PECAM1: variants seen among roughly 807,000 people sequenced by gnomAD.
The protein encoded by PECAM1 is platelet and endothelial cell adhesion molecule 1, also known as platelet endothelial cell adhesion molecule.
Under a neutral mutation model 13.8 loss-of-function variants are expected in PECAM1, and 8 were observed. That is an observed-to-expected ratio of 0.58 (90% CI 0.34 to 1.05). The LOEUF (loss-of-function observed/expected upper bound fraction) is 1.05, where lower values mean the gene tolerates loss of function less well. PECAM1 is among the 50% of genes least tolerant of loss of function. The probability of loss-of-function intolerance (pLI) is 0.03; values close to 1 mark genes in which losing one functional copy is unlikely to be tolerated. For missense variants in PECAM1, 304 were observed against 141.2 expected, an observed-to-expected ratio of 2.15 and a Z score of -5.84; for synonymous variants, 136 against 52.6, an observed-to-expected ratio of 2.58 and a Z score of -6.86.
At chr17:64,323,953 G>C (rs782066321) in intron 15 of PECAM1, 108 bp from the exon 16 acceptor site, 10 of 789,760 alleles carry the variant, frequency 1.3e-5, no homozygotes, top group Non-Finnish European at 2.1e-5. Context: ...AAAATGCAAA[G>C]CAGGGCTGTC....
At chr17:64,380,462 C>T (rs2036458670) in intron 2 of PECAM1, among the ~76,000 whole-genome samples, 1 of 152,188 alleles carries the variant, frequency 6.6e-6, no homozygotes, top group Non-Finnish European at 1.5e-5. Context: ...CCAGAAATTT[C>T]TACCATGCCC....
rs936209024 is a variant in PECAM1 at position 64,334,758 on chromosome 17, T to C, written c.2165-5036A>G. On this transcript the variant is annotated intron_variant, in intron 14 of 15. Coordinates refer to ENST00000563924, the MANE Select transcript of PECAM1 (RefSeq NM_000442.5). ...TCCTGACCTCATGATCCGCCCGCCT[T>C]AGCCTCCCAAATTGCTGGGATTACA... Among the ~76,000 whole-genome samples, 636 of 152,064 alleles carry C rather than the reference T, an allele frequency of 4.2e-3. 6 individuals are homozygous for C. Among genetic ancestry groups the C allele is most frequent in the African/African-American group, 0.013 (534 of 41,506 alleles).
intron 14 of PECAM1, among the ~76,000 whole-genome samples, chr17:64,333,085 GA>G (rs782555642): frequency 6.6e-6 from 1 of 152,188 alleles, no homozygotes; most frequent in Non-Finnish European, 1.5e-5. Context: ...CCCAGGAGGC[GA>G]TTGTTGCAGT....
chr17:64,384,434 G>A (rs1486331972), intron 2 of PECAM1, among the ~76,000 whole-genome samples: 2 of 152,034 alleles, frequency 1.3e-5, no homozygotes, highest in African/African-American at 2.4e-5. Context: ...ACACTTACAC[G>A]TGGTCACCTC....
chr17:64,348,669 C>T (rs1377285360), intron 12 of PECAM1, among the ~76,000 whole-genome samples: 4 of 152,082 alleles, frequency 2.6e-5, no homozygotes. Flanking sequence ...AACTCCTGAC[C>T]TCAAGCGATC....
chr17:64,386,287 T>C (rs2036591580), intron 2 of PECAM1, among the ~76,000 whole-genome samples: 1 of 151,586 alleles, frequency 6.6e-6, no homozygotes, highest in Non-Finnish European at 1.5e-5. Flanking sequence ...TGCCTGTAAT[T>C]GCAGCTACTC....
chr17:64,355,130 C>A, intron 8 of PECAM1, 90 bp from the exon 9 acceptor site: 1 of 417,280 alleles, frequency 2.4e-6, no homozygotes, highest in South Asian at 1.2e-4. Context: ...CAACAAAAGT[C>A]AGTCTGATTC....
chr17:64,365,353 G>A (rs1168580576), intron 5 of PECAM1, among the ~76,000 whole-genome samples: 1 of 151,748 alleles, frequency 6.6e-6, no homozygotes, highest in Non-Finnish European at 1.5e-5. Context: ...ACATTCCATG[G>A]TCATGGGTAG....
intron 14 of PECAM1, among the ~76,000 whole-genome samples, chr17:64,335,986 G>A (rs923954809): frequency 1.5e-3 from 225 of 152,230 alleles, no homozygotes; most frequent in South Asian, 4.4e-3. Flanking sequence ...TGATCTGGCC[G>A]GGCGTGGTGT....
chr17:64,366,830 G>C lies in PECAM1; in HGVS notation c.967+2920C>G, dbSNP rs1309912012. Among the ~76,000 whole-genome samples, 7 of 113,044 alleles carry C rather than the reference G, an allele frequency of 6.2e-5. No individual in the cohort carries two copies. In the Admixed American group the frequency reaches 7.0e-4, roughly 11 times the overall value. The allele number at this position is 113,044 out of a possible 152,430, so 74.2% of individuals were successfully genotyped here. ...CACACTCTGGGGACTGTAGTGGGGT[G>C]GGGGGAGGGGGGAGGGATAGCATTA... On this transcript the variant is annotated intron_variant, in intron 5 of 15. Transcript: ENST00000563924.
intron 10 of PECAM1, among the ~76,000 whole-genome samples, chr17:64,353,100 G>T (rs1168612579): frequency 1.3e-5 from 2 of 152,002 alleles, no homozygotes; most frequent in African/African-American, 4.8e-5. Context: ...TATACTTTTG[G>T]ATTTGGGATT....
rs1358698029 is a variant in PECAM1 at position 64,382,719 on chromosome 17, G to A, written c.92-4602C>T. Among the ~76,000 whole-genome samples the A allele has an allele frequency of 9.5e-5, 14 of 146,872 alleles. No homozygotes were observed. The East Asian group carries it at 2.5e-3, about 27-fold the overall frequency. On this transcript the variant is annotated intron_variant, in intron 2 of 15. Coordinates refer to ENST00000563924, the MANE Select transcript of PECAM1 (RefSeq NM_000442.5). ...CTGTGTCTCCACTACATGTTTCTAG[G>A]GATTTTTTTTTTTTTCAAATAAAAA...
intron 2 of PECAM1, chr17:64,379,058 G>A (rs2036425583): frequency 6.6e-6 from 1 of 152,168 alleles, no homozygotes; most frequent in African/African-American, 2.4e-5. Flanking sequence ...CCAGTTTTTA[G>A]CCTGCTACTT....
At chr17:64,385,804 A>T (rs1279043898) in intron 2 of PECAM1, among the ~76,000 whole-genome samples, 2 of 152,174 alleles carry the variant, frequency 1.3e-5, no homozygotes, top group Non-Finnish European at 2.9e-5. Context: ...ACTCCAGGTA[A>T]GAGAACAGCG....
chr17:64,342,876 G>A (rs2035469889), intron 13 of PECAM1, among the ~76,000 whole-genome samples: 1 of 152,046 alleles, frequency 6.6e-6, no homozygotes, highest in African/African-American at 2.4e-5. Context: ...CCCTCATACA[G>A]TGTGTAGGAT....
intron 5 of PECAM1, among the ~76,000 whole-genome samples, chr17:64,364,151 G>A (rs1015787864): frequency 1.1e-4 from 16 of 152,064 alleles, no homozygotes; most frequent in Admixed American, 2.0e-4. Context: ...TATCATCACC[G>A]ATCCCACAGA....
chr17:64,345,188 G>A (rs2035532061), intron 13 of PECAM1, among the ~76,000 whole-genome samples: 1 of 151,970 alleles, frequency 6.6e-6, no homozygotes, highest in Non-Finnish European at 1.5e-5. Context: ...AGAAAACCAG[G>A]GCCGGGCGCA....
chr17:64,356,827 C>T (rs996926860), intron 7 of PECAM1, among the ~76,000 whole-genome samples: 6 of 152,080 alleles, frequency 3.9e-5, no homozygotes, highest in East Asian at 1.9e-4. Flanking sequence ...CTCTAGCTAT[C>T]GGCCATTTTT....
intron 8 of PECAM1, among the ~76,000 whole-genome samples, chr17:64,355,761 C>A (rs1339535774): frequency 6.6e-6 from 1 of 152,112 alleles, no homozygotes; most frequent in Non-Finnish European, 1.5e-5. Flanking sequence ...CGCCCCCACC[C>A]ACATAAGTGG....
Sources: allele counts gnomAD v4.1 joint callset (sites outside exome capture counted in the v4.1 genomes callset), GRCh38; gene constraint gnomAD v4.1.1; transcripts MANE v1.5; gene names NCBI Gene and HGNC (gene_info 2026-07-23, HGNC 2026-07-21).